Variants in DYNC1I1 observed in about 807,000 individuals in gnomAD.
DYNC1I1 encodes the protein cytoplasmic dynein 1 intermediate chain 1.
A neutral mutation model predicts 86.6 loss-of-function variants in DYNC1I1; 43 were observed. The observed-to-expected ratio is 0.50, with a 90% confidence interval of 0.39 to 0.64. DYNC1I1 has a LOEUF of 0.64. Ranked by LOEUF, DYNC1I1 falls within the 30% of genes least tolerant of loss-of-function variation. The pLI is 0.00. For missense variants in DYNC1I1, 604 were observed against 788.8 expected (o/e 0.77, Z 2.81); for synonymous variants, 262 against 283.7 (o/e 0.92, Z 0.77).
intron 9 of DYNC1I1, among the ~76,000 whole-genome samples, chr7:95,995,341 G>A (rs10247005): frequency 0.032 from 4,798 of 152,182 alleles, 252 homozygotes; most frequent in African/African-American, 0.11. Context: ...CCTAAAATAG[G>A]GAACATGGAG....
At chr7:96,041,234 A>G (rs1789038405) in intron 14 of DYNC1I1, among the ~76,000 whole-genome samples, 1 of 152,142 alleles carries the variant, frequency 6.6e-6, no homozygotes, top group African/African-American at 2.4e-5. Context: ...AAAGATAACA[A>G]CCTCATTTAT....
intron 6 of DYNC1I1, among the ~76,000 whole-genome samples, chr7:95,871,231 T>G (rs2116173622): frequency 6.6e-6 from 1 of 152,310 alleles, no homozygotes; most frequent in Non-Finnish European, 1.5e-5. Context: ...CCTCCATTTC[T>G]CAAGCCCCAG....
intron 10 of DYNC1I1, among the ~76,000 whole-genome samples, chr7:96,001,289 G>T (rs4727332): frequency 0.056 from 8,548 of 152,198 alleles, 303 homozygotes; most frequent in South Asian, 0.094. Flanking sequence ...TCCCTTCCCT[G>T]CAATACCCAC....
intron 1 of DYNC1I1, among the ~76,000 whole-genome samples, chr7:95,784,049 G>A (rs1794065202): frequency 6.6e-6 from 1 of 152,086 alleles, no homozygotes; most frequent in South Asian, 2.1e-4. Context: ...GTGTGTCTGG[G>A]CCCCAAATGG....
At chr7:95,874,075 C>A (rs1790241555) in intron 6 of DYNC1I1, among the ~76,000 whole-genome samples, 1 of 152,194 alleles carries the variant, frequency 6.6e-6, no homozygotes, top group African/African-American at 2.4e-5. Flanking sequence ...TTAGAAGTAT[C>A]CACCTCATCC....
At chr7:95,974,426 G>T (rs1182341165) in intron 6 of DYNC1I1, among the ~76,000 whole-genome samples, 1 of 152,064 alleles carries the variant, frequency 6.6e-6, no homozygotes, top group Non-Finnish European at 1.5e-5. Context: ...AAGCAATTTT[G>T]TATTGGTTAT....
chr7:95,853,227 G>A (rs1789627248), intron 5 of DYNC1I1, among the ~76,000 whole-genome samples: 1 of 152,160 alleles, frequency 6.6e-6, no homozygotes, highest in African/African-American at 2.4e-5. Flanking sequence ...ATTAAGAAGT[G>A]AGATCTTTAA....
intron 6 of DYNC1I1, among the ~76,000 whole-genome samples, chr7:95,947,964 A>T (rs1008909531): frequency 6.8e-6 from 1 of 146,486 alleles, no homozygotes; most frequent in Non-Finnish European, 1.5e-5. Context: ...GTCAAAAACC[A>T]GGTCTTTGTA....
Position 96,028,023 on chromosome 7 carries a change from G to C in DYNC1I1, c.970-152G>C, listed in dbSNP as rs190121247. The C allele has an allele frequency of 2.0e-3, 2,169 of 1,110,992 alleles. 19 individuals carry two copies. The highest frequency in any genetic ancestry group is 8.9e-3 in the Middle Eastern group (42 of 4,718). The allele number at this position is 1,110,992 out of a possible 1,614,324, so 68.8% of individuals were successfully genotyped here. On this transcript the variant is annotated intron_variant, in intron 10 of 16. Coordinates refer to ENST00000447467, the MANE Select transcript of DYNC1I1 (RefSeq NM_001135556.2). Reference sequence around the variant, plus strand: ...CTGTGCCTATGTACAAAATTTCTTAGTAACTATGCACTTTTACAGTCCCAG... The same window carrying C: ...CTGTGCCTATGTACAAAATTTCTTACTAACTATGCACTTTTACAGTCCCAG...
chr7:95,806,796 G>T (rs1794710961), intron 2 of DYNC1I1, among the ~76,000 whole-genome samples: 1 of 152,130 alleles, frequency 6.6e-6, no homozygotes, highest in Admixed American at 6.6e-5. Context: ...TCCCCTCAAA[G>T]AGGTCTTTCC....
intron 1 of DYNC1I1, among the ~76,000 whole-genome samples, chr7:95,798,749 T>C (rs1794506300): frequency 1.3e-5 from 2 of 152,162 alleles, no homozygotes; most frequent in Non-Finnish European, 2.9e-5. Flanking sequence ...AAGCTAAGCT[T>C]TGGGAGGTGC....
At chr7:96,055,031 GC>G (rs780154868) in intron 14 of DYNC1I1, among the ~76,000 whole-genome samples, 12 of 152,226 alleles carry the variant, frequency 7.9e-5, no homozygotes, top group Non-Finnish European at 1.3e-4. Flanking sequence ...TAGTCATGAA[GC>G]CTTTGCCCAT....
intron 6 of DYNC1I1, among the ~76,000 whole-genome samples, chr7:95,932,018 T>C (rs1215586598): frequency 6.6e-6 from 1 of 152,196 alleles, no homozygotes; most frequent in Non-Finnish European, 1.5e-5. Context: ...GTGTCTATTT[T>C]TACATAAATG....
intron 16 of DYNC1I1, among the ~76,000 whole-genome samples, chr7:96,082,216 A>G (rs1274192673): frequency 6.6e-6 from 1 of 152,182 alleles, no homozygotes; most frequent in Non-Finnish European, 1.5e-5. Flanking sequence ...CTAAACAACA[A>G]TAACAAAAAC....
At chr7:95,903,159 C>T (rs914303931) in intron 6 of DYNC1I1, among the ~76,000 whole-genome samples, 8 of 152,100 alleles carry the variant, frequency 5.3e-5, no homozygotes, top group African/African-American at 9.7e-5. Flanking sequence ...TAAGGAGAAA[C>T]GTGAAGTGTG....
At chr7:95,776,018 G>A (rs1793831157) in intron 1 of DYNC1I1, among the ~76,000 whole-genome samples, 1 of 152,126 alleles carries the variant, frequency 6.6e-6, no homozygotes, top group Non-Finnish European at 1.5e-5. Context: ...AGCCAAGGCA[G>A]ACCAATCACT....
At chr7:95,870,885 G>A (rs1562928850) in intron 6 of DYNC1I1, among the ~76,000 whole-genome samples, 2 of 98,586 alleles carry the variant, frequency 2.0e-5, no homozygotes, top group East Asian at 1.3e-3. Context: ...GGCTAACGTT[G>A]TTATAGCAAA....
chr7:95,869,189 A>C (rs1379724138), intron 5 of DYNC1I1, among the ~76,000 whole-genome samples: 1 of 152,202 alleles, frequency 6.6e-6, no homozygotes, highest in African/African-American at 2.4e-5. Flanking sequence ...TAACATAATG[A>C]ATCTAAAGAC....
chr7:95,854,627 T>A (rs1029304599), intron 5 of DYNC1I1, among the ~76,000 whole-genome samples: 2 of 152,214 alleles, frequency 1.3e-5, no homozygotes, highest in Non-Finnish European at 2.9e-5. Context: ...AACTCACTTT[T>A]AACAGTGAGT....
Sources: allele counts gnomAD v4.1 joint callset (sites outside exome capture counted in the v4.1 genomes callset), GRCh38; gene constraint gnomAD v4.1.1; transcripts MANE v1.5; gene names NCBI Gene and HGNC (gene_info 2026-07-23, HGNC 2026-07-21).